Variants in OTOGL observed in about 807,000 individuals in gnomAD.
OTOGL encodes otogelin-like protein.
OTOGL carries 285 observed loss-of-function variants against 318.5 expected under a neutral mutation model. The ratio of observed to expected loss-of-function variants is 0.89; its 90% CI spans 0.81 to 0.99. The LOEUF (loss-of-function observed/expected upper bound fraction) is 0.99, where lower values mean the gene tolerates loss of function less well. Ranked by LOEUF, OTOGL falls within the 50% of genes least tolerant of loss-of-function variation. OTOGL has a pLI of 0.00. For missense variants in OTOGL, 2,899 were observed against 2,845.6 expected (o/e 1.02, Z -0.43); for synonymous variants, 987 against 936.5 (o/e 1.05, Z -0.99).
intron 36 of OTOGL, 106 bp from the exon 37 acceptor site, chr12:80,328,945 T>C: frequency 8.5e-7 from 1 of 1,170,172 alleles, no homozygotes; most frequent in Non-Finnish European, 1.2e-6. Flanking sequence ...TCCTGCATTC[T>C]TTTTCCCAAA....
intron 29 of OTOGL, among the ~76,000 whole-genome samples, chr12:80,307,861 C>A (rs1343411545): frequency 7.4e-6 from 1 of 135,114 alleles, no homozygotes; most frequent in Non-Finnish European, 1.5e-5. Context: ...GCTGGCCGGG[C>A]GGGGGGCTGA....
chr12:80,144,685 G>A (rs1343954759), intron 1 of OTOGL, among the ~76,000 whole-genome samples: 1 of 151,852 alleles, frequency 6.6e-6, no homozygotes, highest in South Asian at 2.1e-4. Flanking sequence ...GTGTAAAAGT[G>A]TTCCTATTTC....
chr12:80,367,185 G>C (rs1890595613), intron 53 of OTOGL, among the ~76,000 whole-genome samples: 1 of 149,494 alleles, frequency 6.7e-6, no homozygotes, highest in Non-Finnish European at 1.5e-5. Flanking sequence ...ATGTTTCCCA[G>C]GCTGGTCTCA....
At chr12:80,162,802 C>T (rs539751344) in intron 1 of OTOGL, among the ~76,000 whole-genome samples, 13 of 151,992 alleles carry the variant, frequency 8.6e-5, no homozygotes, top group Admixed American at 3.3e-4. Flanking sequence ...AGGTACTTGG[C>T]GTAGAACTCC....
At position 80,342,097 on chromosome 12, in the gene OTOGL, G is replaced by A. The variant is rs1270558420; in HGVS notation, c.5200G>A (p.Glu1734Lys). Reference sequence around the variant, plus strand: ...GAGAAGACCTGTTAGGAATTGTACTGAGCATGATTGCAGCCAGTGCATTGA... The same window carrying A: ...GAGAAGACCTGTTAGGAATTGTACTAAGCATGATTGCAGCCAGTGCATTGA... ...TMRRPVRNCT[E>K]HDCSQCIDLL... Residue 1734 changes from glutamate (E) to lysine (K), a missense_variant, in exon 44 of 59, where the codon GAG (glutamate) becomes AAG (lysine). Transcript: ENST00000547103. 1.9e-6 allele frequency: 3 copies of A among 1,605,654 alleles called. No homozygotes were observed. The highest frequency in any genetic ancestry group is 2.7e-5 in the African/African-American group (2 of 74,834).
At chr12:80,225,185 C>A (rs1878716463) in intron 7 of OTOGL, among the ~76,000 whole-genome samples, 3 of 151,978 alleles carry the variant, frequency 2.0e-5, no homozygotes, top group African/African-American at 7.2e-5. Flanking sequence ...TGGTGAAATG[C>A]ATCTTCTGTG....
chr12:80,148,174 T>G (rs1367352401), intron 1 of OTOGL, among the ~76,000 whole-genome samples: 1 of 151,764 alleles, frequency 6.6e-6, no homozygotes, highest in Admixed American at 6.6e-5. Context: ...TTTGGCATGA[T>G]TTTGCAGCGG....
chr12:80,352,549 C>A, intron 45 of OTOGL, 113 bp downstream of exon 45: 2 of 908,638 alleles, frequency 2.2e-6, no homozygotes, highest in Non-Finnish European at 3.1e-6. Flanking sequence ...GCATAAAATG[C>A]ACAGAAGAAG....
In OTOGL at chr12:80,370,698, T is replaced by C; in HGVS notation, c.6735+9T>C. On this transcript the variant is annotated intron_variant, in intron 56 of 58. Transcript: ENST00000547103. ...AGACTGAATGCAAAATGGTTTGTAC[T>C]TTGTTGTATCTAAGAAAATTTATTA... The C allele has an allele frequency of 1.3e-6, 2 of 1,529,034 alleles. No homozygotes were observed. Among genetic ancestry groups the C allele is most frequent in the Non-Finnish European group, 1.8e-6 (2 of 1,132,140 alleles). 94.7% of individuals were successfully genotyped at this position (1,529,034 alleles called of 1,614,324 possible).
In OTOGL at chr12:80,224,061, C is replaced by T. The variant is rs147101798; in HGVS notation, c.489+1816C>T. Among the ~76,000 whole-genome samples, 197 of 152,140 alleles carry T rather than the reference C, an allele frequency of 1.3e-3. 3 individuals are homozygous for T. The highest frequency in any genetic ancestry group is 4.6e-3 in the African/African-American group (189 of 41,536). ...ATATTCTAGAATTTGTATGGTTTCA[C>T]GTCTAGATTTAAGTATTTTATCCAT... On this transcript the variant is annotated intron_variant, in intron 7 of 58. Transcript: ENST00000547103.
At chr12:80,282,798 C>T (rs1444955628) in intron 26 of OTOGL, among the ~76,000 whole-genome samples, 3 of 151,910 alleles carry the variant, frequency 2.0e-5, no homozygotes, top group East Asian at 1.9e-4. Flanking sequence ...ATTTAGGTGC[C>T]TCTGACACTC....
intron 1 of OTOGL, among the ~76,000 whole-genome samples, chr12:80,187,934 C>G (rs1875407105): frequency 6.6e-6 from 1 of 152,112 alleles, no homozygotes; most frequent in Non-Finnish European, 1.5e-5. Flanking sequence ...GTTTTTGAAA[C>G]CTGATCTGGG....
At chr12:80,125,315 G>C (rs1409470420) in intron 1 of OTOGL, among the ~76,000 whole-genome samples, 1 of 152,164 alleles carries the variant, frequency 6.6e-6, no homozygotes, top group Non-Finnish European at 1.5e-5. Context: ...TTTGTCATTG[G>C]TTCTGTTTAT....
chr12:80,273,848 AG>A (rs1883594192), intron 24 of OTOGL, among the ~76,000 whole-genome samples: 1 of 152,070 alleles, frequency 6.6e-6, no homozygotes, highest in East Asian at 1.9e-4. Context: ...GCAATATTTC[AG>A]AACTTTTTCA....
intron 11 of OTOGL, among the ~76,000 whole-genome samples, chr12:80,240,325 A>C (rs993135039): frequency 4.6e-5 from 7 of 152,124 alleles, no homozygotes; most frequent in Non-Finnish European, 7.4e-5. Flanking sequence ...GTGGCTCTTA[A>C]GCATTTTTAT....
chr12:80,224,473 G>A (rs2137367796), intron 7 of OTOGL, among the ~76,000 whole-genome samples: 1 of 152,142 alleles, frequency 6.6e-6, no homozygotes, highest in Non-Finnish European at 1.5e-5. Context: ...TATTTTCATG[G>A]GAATTGCATT....
rs532495049 is a variant in OTOGL, at chr12:80,337,463, A to G, written c.4860+459A>G. 3.3e-5 allele frequency among the ~76,000 whole-genome samples: 5 copies of G among 152,262 alleles called. No individual in the cohort carries two copies. The East Asian group carries it at 9.6e-4, about 29-fold the overall frequency. On this transcript the variant is annotated intron_variant, in intron 42 of 58. Transcript: ENST00000547103. ...ATTAAGTTTTTGGTGAATAAATGAT[A>G]GCTAACATAAGAAAAATATGAAAAA...
intron 1 of OTOGL, among the ~76,000 whole-genome samples, chr12:80,121,293 A>G (rs1870473205): frequency 6.6e-6 from 1 of 152,172 alleles, no homozygotes; most frequent in Non-Finnish European, 1.5e-5. Flanking sequence ...CTAAATAAAA[A>G]CAGAACGATT....
At chr12:80,180,053 G>T (rs1038131557) in intron 1 of OTOGL, among the ~76,000 whole-genome samples, 1 of 152,232 alleles carries the variant, frequency 6.6e-6, no homozygotes, top group African/African-American at 2.4e-5. Context: ...TATCCTACAA[G>T]TGCTATTACT....
Sources: gnomAD v4.1 joint callset for allele counts (sites outside exome capture counted in the v4.1 genomes callset) on GRCh38, gnomAD v4.1.1 for gene constraint, MANE v1.5 for transcripts, NCBI Gene and HGNC (gene_info 2026-07-23, HGNC 2026-07-21) for gene names.